The following JUP variants were observed in gnomAD, a reference collection of about 807,000 sequenced individuals.
JUP encodes the protein junction plakoglobin, also known as catenin (cadherin-associated protein), gamma 80kDa.
JUP carries 28 observed loss-of-function variants against 71.1 expected under a neutral mutation model. That is an observed-to-expected ratio of 0.39 (90% CI 0.29 to 0.54). JUP has a LOEUF of 0.54. Ranked by LOEUF, JUP falls within the 20% of genes least tolerant of loss-of-function variation. The pLI, the probability that JUP is intolerant of heterozygous loss-of-function variation, is 0.62. For missense variants in JUP, 869 were observed against 1,030.1 expected, an observed-to-expected ratio of 0.84 and a Z score of 2.14; for synonymous variants, 401 against 438.9, an observed-to-expected ratio of 0.91 and a Z score of 1.08.
At chr17:41,783,062 A>G (rs1322416205) in intron 1 of JUP, among the ~76,000 whole-genome samples, 1 of 148,278 alleles carries the variant, frequency 6.7e-6, no homozygotes, top group Admixed American at 6.8e-5. Context: ...GCGCCACTGC[A>G]CTCCAGCCTG....
At chr17:41,756,284 G>C in intron 12 of JUP, 70 bp from the exon 13 acceptor site, 3 of 1,485,666 alleles carry the variant, frequency 2.0e-6, no homozygotes, top group Non-Finnish European at 2.8e-6. Flanking sequence ...CTCAGCTGGT[G>C]GGCAGGGAGA....
intron 1 of JUP, among the ~76,000 whole-genome samples, chr17:41,783,432 C>G (rs1555610809): frequency 6.6e-6 from 1 of 151,628 alleles, no homozygotes; most frequent in African/African-American, 2.4e-5. Flanking sequence ...GGACCACAGG[C>G]ATGCACCACC....
intron 5 of JUP, among the ~76,000 whole-genome samples, chr17:41,765,459 C>G (rs1915571754): frequency 6.6e-6 from 1 of 152,100 alleles, no homozygotes; most frequent in African/African-American, 2.4e-5. Context: ...TCAAGCAATT[C>G]TCATGCCTCA....
Position 41,757,402 on chromosome 17 carries a change from C to T in JUP, c.2046+13G>A, listed in dbSNP as rs1555598529. 4 of 1,613,960 alleles carry T rather than the reference C, an allele frequency of 2.5e-6. No individual in the cohort carries two copies. In the African/African-American group the frequency reaches 4.0e-5, roughly 16 times the overall value. ...GCACAACCAACTACTGTGGTCCAAC[C>T]TAGGATACTCACAGCCTCCCAGGCA... On this transcript the variant is annotated intron_variant, in intron 12 of 13. Transcript: ENST00000393931.
chr17:41,776,178 T>A (rs1440293377), intron 1 of JUP: 1 of 165,478 alleles, frequency 6.0e-6, no homozygotes, highest in Non-Finnish European at 1.2e-5. Context: ...CAGGGCTGGG[T>A]CCCCCAGAGG....
chr17:41,779,806 C>T (rs1308703471), intron 1 of JUP, among the ~76,000 whole-genome samples: 2 of 151,234 alleles, frequency 1.3e-5, no homozygotes, highest in African/African-American at 2.4e-5. Flanking sequence ...GCTAGGACCA[C>T]GTGCACATGC....
At chr17:41,767,675 C>T in intron 4 of JUP, 95 bp from the exon 5 acceptor site, 2 of 962,292 alleles carry the variant, frequency 2.1e-6, no homozygotes, top group South Asian at 1.4e-5. Context: ...AGGAAGCCTC[C>T]CCGCTACTGA....
At chr17:41,775,965 G>A (rs2143802463) in intron 1 of JUP, 2 of 985,222 alleles carry the variant, frequency 2.0e-6, no homozygotes, top group South Asian at 9.4e-5. Flanking sequence ...ATTAAAAATA[G>A]CCCCACCAGA....
At chr17:41,759,208 C>T (rs985104862) in intron 8 of JUP, among the ~76,000 whole-genome samples, 1 of 151,664 alleles carries the variant, frequency 6.6e-6, no homozygotes, top group Admixed American at 6.6e-5. Context: ...TGAGTAGCTG[C>T]GATTACAGGT....
intron 1 of JUP, among the ~76,000 whole-genome samples, chr17:41,775,137 T>G (rs145542612): frequency 2.7e-5 from 4 of 150,014 alleles, no homozygotes; most frequent in Admixed American, 1.3e-4. Context: ...CAGGTTCTAG[T>G]CCCAGCTCTG....
rs1460748612 is a variant in JUP at position 41,758,396 on chromosome 17, C to T, written c.1773+3G>A. ...CTCTCCTGCCCACCTGCCCCAGACT[C>T]ACCTGCACAAACAGGGGAATGGTGT... is the stretch of plus-strand genomic sequence containing the variant. On this transcript the variant is annotated splice_donor_region_variant and intron_variant, in intron 10 of 13. Coordinates refer to ENST00000393931, the MANE Select transcript of JUP (RefSeq NM_002230.4). The T allele has an allele frequency of 1.2e-6, 2 of 1,612,910 alleles. No homozygotes were observed. The highest frequency in any genetic ancestry group is 1.7e-6 in the Non-Finnish European group (2 of 1,179,996).
chr17:41,773,323 G>T (rs868941280), intron 1 of JUP, among the ~76,000 whole-genome samples: 1 of 152,222 alleles, frequency 6.6e-6, no homozygotes, highest in African/African-American at 2.4e-5. Context: ...CCCTCCAGGA[G>T]GATGACGAAT....
In JUP at chr17:41,758,840, G is replaced by A. The variant is rs782136684; in HGVS notation, c.1528C>T (p.Leu510=). 3 of 1,609,690 alleles carry A rather than the reference G, an allele frequency of 1.9e-6. No individual in the cohort carries two copies. Among genetic ancestry groups the A allele is most frequent in the East Asian group, 2.2e-5 (1 of 44,688 alleles). ...ATIGLIRNLA[L]CPANHAPLQE... ...AGCGGGGCATGGTTGGCTGGGCACA[G>A]GGCCAGATTCCTGATCAAGCCGATG... is the stretch of plus-strand genomic sequence containing the variant. Residue 510 remains leucine, a synonymous_variant, in exon 9 of 14, where the codon CTG becomes TTG. Transcript: ENST00000393931.
At position 41,758,792 on chromosome 17, in the gene JUP, G is replaced by T. The variant is rs782309611; in HGVS notation, c.1576C>A (p.Arg526Ser). The change falls in exon 9 of 14, where the codon CGC becomes AGC. Residue 526 changes from arginine (R) to serine (S), a missense_variant. Transcript: ENST00000393931. ...APLQEAAVIP[R>S]LVQLLVKAHQ... ...GCCTTCACCAGCAGTTGGACGAGGC[G>T]GGGGATGACCGCTGCCTCCTGCAGC... 2 of 1,611,770 alleles carry T rather than the reference G, an allele frequency of 1.2e-6. No homozygotes were observed. The highest frequency in any genetic ancestry group is 1.7e-6 in the Non-Finnish European group (2 of 1,179,016).
In JUP at chr17:41,769,634, C is replaced by T. The variant is rs1555605953; in HGVS notation, c.252G>A (p.Arg84=). The change falls in exon 3 of 14, where the codon CGG becomes CGA. Residue 84 remains arginine, a synonymous_variant. Coordinates refer to ENST00000393931, the MANE Select transcript of JUP (RefSeq NM_002230.4). ...YQMSTTARAK[R]VREAMCPGVS... The stretch of plus-strand genomic sequence containing the variant: ...CACCAGGGCACATGGCCTCCCGCAC[C>T]CGTTTGGCCCTGGCTGTTGTGGACA... The T allele has an allele frequency of 6.2e-6, 10 of 1,606,822 alleles. No individual in the cohort carries two copies. The highest frequency in any genetic ancestry group is 8.5e-6 in the Non-Finnish European group (10 of 1,177,512).
rs182004736 is a variant in JUP at position 41,784,408 on chromosome 17, A to G, written c.-9+2180T>C. 3.2e-3 allele frequency among the ~76,000 whole-genome samples: 481 copies of G among 152,128 alleles called. 1 individual carries two copies. Among genetic ancestry groups the G allele is most frequent in the Admixed American group, 6.6e-3 (101 of 15,272 alleles). On this transcript the variant is annotated intron_variant, in intron 1 of 13. Transcript: ENST00000393931. ...GTCCTACCTTCTCCTCCTCCCCCGC[A>G]TCCCCCAGTCCAGTCAGTGGCCAGT...
chr17:41,762,994 G>C lies in JUP; in HGVS notation c.1486C>G (p.Pro496Ala). Residue 496 changes from proline to alanine, a missense_variant, in exon 8 of 14, where the codon CCA (proline) becomes GCA (alanine). Transcript: ENST00000393931. ...CCTAACAGCAGTACCTTGACCAGTG[G>C]CCACTGGTTGGGCTGGTTGAGCAGC... ...VKLLNQPNQWPLVKATIGLIR... is the reference protein window; with the variant it reads ...VKLLNQPNQWALVKATIGLIR... The C allele has an allele frequency of 2.5e-6, 4 of 1,613,894 alleles. No individual in the cohort carries two copies. The highest frequency in any genetic ancestry group is 3.4e-6 in the Non-Finnish European group (4 of 1,179,986).
At chr17:41,762,166 A>T (rs1223293062) in intron 8 of JUP, among the ~76,000 whole-genome samples, 1,826 of 66,988 alleles carry the variant, frequency 0.027, 42 homozygotes, top group Non-Finnish European at 0.034. Context: ...AGAGAGAGAG[A>T]GAGAGAGAGA....
intron 1 of JUP, among the ~76,000 whole-genome samples, chr17:41,773,540 G>A (rs1310442995): frequency 6.6e-6 from 1 of 152,192 alleles, no homozygotes; most frequent in Non-Finnish European, 1.5e-5. Context: ...CGCCAGATGT[G>A]CACAGCTGCT....
Sources: allele counts gnomAD v4.1 joint callset (sites outside exome capture counted in the v4.1 genomes callset), GRCh38; gene constraint gnomAD v4.1.1; transcripts MANE v1.5; gene names NCBI Gene and HGNC (gene_info 2026-07-23, HGNC 2026-07-21).